The following C1GALT1 variants were observed in gnomAD, a reference collection of about 807,000 sequenced individuals.
The protein encoded by C1GALT1 is glycoprotein-N-acetylgalactosamine 3-beta-galactosyltransferase 1.
A neutral mutation model predicts 31.0 loss-of-function variants in C1GALT1; 11 were observed. The observed-to-expected ratio is 0.36, with a 90% CI of 0.22 to 0.59. The LOEUF (loss-of-function observed/expected upper bound fraction) is 0.59. C1GALT1 is among the 20% of genes least tolerant of loss of function. The probability of loss-of-function intolerance (pLI) is 0.79; values close to 1 mark genes in which losing one functional copy is unlikely to be tolerated. For synonymous variants in C1GALT1, 175 were observed against 143.6 expected, an observed-to-expected ratio of 1.22 and a Z score of -1.56; for missense variants, 424 against 425.2, an observed-to-expected ratio of 1.00 and a Z score of 0.03.
intron 2 of C1GALT1, among the ~76,000 whole-genome samples, chr7:7,159,395 A>T (rs1309813101): frequency 6.6e-6 from 1 of 152,090 alleles, no homozygotes; most frequent in Non-Finnish European, 1.5e-5. Flanking sequence ...AAAGACTAGG[A>T]AGCAAAGAAA....
Position 7,224,162 on chromosome 7 carries a change from A to G in C1GALT1, c.-17-10141A>G, listed in dbSNP as rs935271470. ...AATTCTATTTACTAATACTTTGTGA[A>G]ATACTAATACTTCATTAAGTATTAG... On this transcript the variant is annotated intron_variant, in intron 1 of 3. Transcript: ENST00000436587. 2.0e-5 allele frequency among the ~76,000 whole-genome samples: 3 copies of G among 152,130 alleles called. 1 individual carries two copies. Among genetic ancestry groups the G allele is most frequent in the Admixed American group, 2.0e-4 (3 of 15,274 alleles).
intron 1 of C1GALT1, among the ~76,000 whole-genome samples, chr7:7,218,049 G>A (rs1782328708): frequency 6.6e-6 from 1 of 151,702 alleles, no homozygotes; most frequent in African/African-American, 2.4e-5. Flanking sequence ...GTAAATGAAG[G>A]AATAAGGAAA....
At chr7:7,212,275 T>TGTAG (rs1782041000) in intron 1 of C1GALT1, among the ~76,000 whole-genome samples, 1 of 152,186 alleles carries the variant, frequency 6.6e-6, no homozygotes, top group African/African-American at 2.4e-5. Flanking sequence ...GCGGGGACTG[T>TGTAG]GTAGACAAGG....
intron 1 of C1GALT1, among the ~76,000 whole-genome samples, chr7:7,188,950 G>A (rs904053229): frequency 2.0e-5 from 3 of 152,130 alleles, no homozygotes; most frequent in Admixed American, 1.3e-4. Flanking sequence ...CTTTTGGGGA[G>A]AGATAGTGGT....
At position 7,182,692 on chromosome 7, in the gene C1GALT1, A is replaced by AGCGGGCGGCC; in HGVS notation, c.-145_-136dup. 1 of 581,668 alleles carries AGCGGGCGGCC rather than the reference A, an allele frequency of 1.7e-6. No individual in the cohort carries two copies. Among genetic ancestry groups the AGCGGGCGGCC allele is most frequent in the Non-Finnish European group, 2.2e-6 (1 of 460,764 alleles). The allele number at this position is 581,668 out of a possible 1,614,324, so 36.0% of individuals were successfully genotyped here. On this transcript the variant is annotated 5_prime_UTR_variant, in exon 1 of 4. Transcript: ENST00000436587. ...GCTGCCGGGGAATAATCTGGGCGGC[A>AGCGGGCGGCC]GCGGGCGGCCTCGGCTAGCGGCCAC...
In C1GALT1 at chr7:7,243,599, C is replaced by T. The variant is rs757880763; in HGVS notation, c.964C>T (p.Leu322Phe). 30 of 1,612,010 alleles carry T rather than the reference C, an allele frequency of 1.9e-5. No individual in the cohort carries two copies. Among genetic ancestry groups the T allele is most frequent in the African/African-American group, 2.7e-5 (2 of 74,782 alleles). ...TACAACCATGTATGAGTTAGAATACCTCGTTTATCATCTTCGTCCATATGG... is the reference window on the plus strand; with the variant it reads ...TACAACCATGTATGAGTTAGAATACTTCGTTTATCATCTTCGTCCATATGG... The part of the protein sequence containing the change: ...DSTTMYELEY[L>F]VYHLRPYGYL... The change falls in exon 4 of 4, where the codon CTC (leucine) becomes TTC (phenylalanine). Residue 322 changes from leucine (L) to phenylalanine (F), a missense_variant. By Grantham distance (22) the Leu-to-Phe change is conservative. Around this residue, in one of 3 missense-constraint regions of C1GALT1, gnomAD observed 191 missense variants for 188.8 expected, o/e 1.01. Coordinates refer to ENST00000436587, the MANE Select transcript of C1GALT1 (RefSeq NM_020156.5).
At chr7:7,165,937 A>G (rs1173762920) in intron 2 of C1GALT1, among the ~76,000 whole-genome samples, 1 of 152,172 alleles carries the variant, frequency 6.6e-6, no homozygotes, top group Non-Finnish European at 1.5e-5. Context: ...TGAAACATAC[A>G]TTTCATGTTT....
Position 7,238,353 on chromosome 7 carries a change from G to A in C1GALT1, c.319G>A (p.Val107Ile), listed in dbSNP as rs568910070. ...AAACCTAGAGAAAAAGGCCAAACAC[G>A]TCAAAGCTACTTGGGCCCAGCGTTG... ...PQNLEKKAKH[V>I]KATWAQRCNK... is the part of the protein sequence containing the mutation. The change falls in exon 3 of 4, where the codon GTC (valine) becomes ATC (isoleucine). Residue 107 changes from valine (V) to isoleucine (I), a missense_variant. By Grantham distance (29) the Val-to-Ile change is conservative (BLOSUM62 3). Coordinates refer to ENST00000436587, the MANE Select transcript of C1GALT1 (RefSeq NM_020156.5). This position sits in a 1 kb window ranked among gnomAD's most constrained non-coding sequence, Gnocchi z 5.2. 2.0e-5 allele frequency: 33 copies of A among 1,614,086 alleles called. No homozygotes were observed. The highest frequency in any genetic ancestry group is 5.0e-5 in the Admixed American group (3 of 60,026).
chr7:7,232,502 T>G (rs13228309), intron 1 of C1GALT1, among the ~76,000 whole-genome samples: 35,243 of 145,394 alleles, frequency 0.24, 4,831 homozygotes, highest in East Asian at 0.46. Flanking sequence ...TTTTTGTTTT[T>G]TTTTTTTTGA....
chr7:7,224,362 G>A (rs1782655233), intron 1 of C1GALT1, among the ~76,000 whole-genome samples: 1 of 151,272 alleles, frequency 6.6e-6, no homozygotes, highest in South Asian at 2.1e-4. Context: ...ACTTTTTGGA[G>A]GAGATTGTAC....
chr7:7,198,351 G>A (rs190554362), intron 1 of C1GALT1, among the ~76,000 whole-genome samples: 1 of 152,314 alleles, frequency 6.6e-6, no homozygotes, highest in African/African-American at 2.4e-5. Context: ...ATTTGCGTAT[G>A]TTGAACCAGC....
Position 7,235,308 on chromosome 7 carries a change from G to C in C1GALT1, c.220+769G>C, listed in dbSNP as rs542428097. On this transcript the variant is annotated intron_variant, in intron 2 of 3. Coordinates refer to ENST00000436587, the MANE Select transcript of C1GALT1 (RefSeq NM_020156.5). ...TGGGATGCAGAGGGTCCACTATTCA[G>C]TTTTTTCTCTTCTCTTCTCAGTAGT... 4.6e-5 allele frequency: 7 copies of C among 152,250 alleles called. No individual in the cohort carries two copies. In the East Asian group the frequency reaches 1.4e-3, roughly 29 times the overall value. The allele number at this position is 152,250 out of a possible 1,614,324, so 9.4% of individuals were successfully genotyped here.
intron 1 of C1GALT1, among the ~76,000 whole-genome samples, chr7:7,217,836 C>G (rs902712091): frequency 2.6e-5 from 4 of 152,088 alleles, no homozygotes; most frequent in Non-Finnish European, 5.9e-5. Flanking sequence ...ATGCCTGGCC[C>G]AGAAACAGTT....
chr7:7,225,370 G>C (rs1211412178), intron 1 of C1GALT1, among the ~76,000 whole-genome samples: 1 of 152,006 alleles, frequency 6.6e-6, no homozygotes, highest in African/African-American at 2.4e-5. Flanking sequence ...CTTGCTTTTT[G>C]CTTTTCCCAG....
intron 1 of C1GALT1, among the ~76,000 whole-genome samples, chr7:7,218,902 C>T (rs900715709): frequency 3.2e-4 from 48 of 150,594 alleles, no homozygotes; most frequent in African/African-American, 1.1e-3. Flanking sequence ...GGTGCAATCT[C>T]GGCTCACTGC....
At chr7:7,164,928 T>G (rs918381057) in intron 2 of C1GALT1, among the ~76,000 whole-genome samples, 1 of 152,168 alleles carries the variant, frequency 6.6e-6, no homozygotes, top group Non-Finnish European at 1.5e-5. Context: ...TTTGATTGCA[T>G]GTAAATATTA....
chr7:7,243,446 G>T (rs1783715841), intron 3 of C1GALT1, 78 bp from the exon 4 acceptor site: 1 of 1,161,028 alleles, frequency 8.6e-7, no homozygotes, highest in Admixed American at 2.5e-5. Flanking sequence ...AAAATTAGCT[G>T]GTCCTTTATA....
chr7:7,184,947 T>C lies in C1GALT1; in HGVS notation c.-18+2127T>C, dbSNP rs534705953. Among the ~76,000 whole-genome samples the C allele has an allele frequency of 3.9e-5, 6 of 152,306 alleles. No homozygotes were observed. In the East Asian group the frequency reaches 1.2e-3, roughly 29 times the overall value. ...GGTGGGGAGCGGGAAGGAGACTTGT[T>C]CCATAAAATGAGAAGTTAGCCTTTT... On this transcript the variant is annotated intron_variant, in intron 1 of 3. Coordinates refer to ENST00000436587, the MANE Select transcript of C1GALT1 (RefSeq NM_020156.5).
chr7:7,224,336 G>T (rs1782654187), intron 1 of C1GALT1, among the ~76,000 whole-genome samples: 2 of 151,526 alleles, frequency 1.3e-5, no homozygotes, highest in Non-Finnish European at 2.9e-5. Context: ...AAATGAATTG[G>T]GAAGTGTTCT....
Sources: gnomAD v4.1 joint callset for allele counts (sites outside exome capture counted in the v4.1 genomes callset) on GRCh38, gnomAD v4.1.1 for gene constraint, gnomAD v4.1.1 regional missense constraint, Gnocchi (gnomAD v3.1) non-coding constraint, MANE v1.5 for transcripts, NCBI Gene and HGNC (gene_info 2026-07-23, HGNC 2026-07-21) for gene names.